The following DHX57 variants were observed in gnomAD, a reference collection of about 807,000 sequenced individuals.
The protein encoded by DHX57 is DExH-box helicase 57, also known as putative ATP-dependent RNA helicase DHX57.
A neutral mutation model predicts 156.2 loss-of-function variants in DHX57; 105 were observed. That is an observed-to-expected ratio of 0.67 (90% CI 0.57 to 0.79). DHX57 has a LOEUF of 0.79. Ranked by LOEUF, DHX57 falls within the 30% of genes least tolerant of loss-of-function variation. The pLI is 0.00. For synonymous variants in DHX57, 704 were observed against 595.6 expected (o/e 1.18, Z -2.65); for missense variants, 1,847 against 1,661.9 (o/e 1.11, Z -1.94).
intron 2 of DHX57, among the ~76,000 whole-genome samples, chr2:38,864,504 A>C (rs1664949221): frequency 6.6e-6 from 1 of 152,270 alleles, no homozygotes; most frequent in East Asian, 1.9e-4. Flanking sequence ...TCCTATCTTA[A>C]AGTCATCCTT....
At chr2:38,847,482 G>T (rs1672353791) in intron 10 of DHX57, among the ~76,000 whole-genome samples, 1 of 152,120 alleles carries the variant, frequency 6.6e-6, no homozygotes, top group Non-Finnish European at 1.5e-5. Context: ...TTATCAGTCA[G>T]TGTTTCCAAA....
chr2:38,802,589 C>A, intron 23 of DHX57, 126 bp downstream of exon 23: 1 of 1,219,114 alleles, frequency 8.2e-7, no homozygotes, highest in South Asian at 1.5e-5. Context: ...GGCTCGGCCA[C>A]CGTCATTCAT....
Position 38,812,826 on chromosome 2 carries a change from C to G in DHX57, c.3681+995G>C, listed in dbSNP as rs370359005. Among the ~76,000 whole-genome samples, 82 of 118,588 alleles carry G rather than the reference C, an allele frequency of 6.9e-4. 1 individual carries two copies. Among genetic ancestry groups the G allele is most frequent in the South Asian group, 3.2e-3 (11 of 3,464 alleles). The allele number at this position is 118,588 out of a possible 152,430, so 77.8% of individuals were successfully genotyped here. A position where few individuals can be genotyped will look rare whatever the true frequency, so the allele number is the denominator to read the frequency against. On this transcript the variant is annotated intron_variant, in intron 21 of 23. Transcript: ENST00000457308. ...TGGATTACAGGCGTGAGCCATCGTGCCTGTCCCTTATTTACTTGTTTGTTT... is the reference window on the plus strand; with the variant it reads ...TGGATTACAGGCGTGAGCCATCGTGGCTGTCCCTTATTTACTTGTTTGTTT...
At position 38,798,281 on chromosome 2, in the gene DHX57, ACT is replaced by A; in HGVS notation, c.*16_*17del. 1 of 1,600,366 alleles carries A rather than the reference ACT, an allele frequency of 6.2e-7. No individual in the cohort carries two copies. Among genetic ancestry groups the A allele is most frequent in the Non-Finnish European group, 8.5e-7 (1 of 1,175,116 alleles). ...AGCTAGAAGCAGGTGAGTAGCAAGCACTCTCTAAGACTGCTTTTTATTGTGTG... is the reference window on the plus strand; with the variant it reads ...AGCTAGAAGCAGGTGAGTAGCAAGCACTCTAAGACTGCTTTTTATTGTGTG... On this transcript the variant is annotated 3_prime_UTR_variant, in exon 24 of 24. Coordinates refer to ENST00000457308, the MANE Select transcript of DHX57 (RefSeq NM_198963.3).
chr2:38,849,725 C>G (rs1672483149), intron 9 of DHX57, among the ~76,000 whole-genome samples: 1 of 152,158 alleles, frequency 6.6e-6, no homozygotes, highest in African/African-American at 2.4e-5. Context: ...TCCTTGCCGT[C>G]TTTGAGGCAT....
chr2:38,810,642 C>A, intron 21 of DHX57: 1 of 662,640 alleles, frequency 1.5e-6, no homozygotes, highest in Non-Finnish European at 2.8e-6. Context: ...CTTTCCCTTC[C>A]ACTCGGTCCT....
intron 12 of DHX57, among the ~76,000 whole-genome samples, chr2:38,840,200 C>T (rs116489698): frequency 0.03 from 4,581 of 152,080 alleles, 104 homozygotes; most frequent in Non-Finnish European, 0.043. Context: ...TGGCCTCAGC[C>T]GCTCAAAGTG....
At chr2:38,852,877 TCTGGCTC>T (rs1672677854) in intron 9 of DHX57, among the ~76,000 whole-genome samples, 1 of 152,170 alleles carries the variant, frequency 6.6e-6, no homozygotes, top group African/African-American at 2.4e-5. Flanking sequence ...CCCTGGAAGG[TCTGGCTC>T]CTGCTGCTTC....
intron 23 of DHX57, among the ~76,000 whole-genome samples, chr2:38,800,981 GTTAAAA>G (rs1287445169): frequency 6.6e-6 from 1 of 152,056 alleles, no homozygotes; most frequent in East Asian, 1.9e-4. Flanking sequence ...TTGATTACAT[GTTAAAA>G]TTAAAACATT....
chr2:38,858,546 A>G (rs1572701338), intron 6 of DHX57, 115 bp downstream of exon 6: 1 of 1,377,252 alleles, frequency 7.3e-7, no homozygotes, highest in Non-Finnish European at 9.8e-7. Context: ...TTGACCACTC[A>G]GGGAGAAAAA....
At position 38,868,333 on chromosome 2, in the gene DHX57, C is replaced by T; in HGVS notation, c.73G>A (p.Gly25Arg). 1 of 1,613,930 alleles carries T rather than the reference C, an allele frequency of 6.2e-7. No individual in the cohort carries two copies. The highest frequency in any genetic ancestry group is 8.5e-7 in the Non-Finnish European group (1 of 1,180,038). ...GGKGSSRGGR[G>R]GRSHASKSHG... ...GATTTACTGGCGTGACTCCTGCCTC[C>T]TCTTCCTCCTCTAGAAGACCCTTTT... Residue 25 changes from glycine (G) to arginine (R), a missense_variant, in exon 2 of 24, where the codon GGA becomes AGA. Coordinates refer to ENST00000457308, the MANE Select transcript of DHX57 (RefSeq NM_198963.3).
chr2:38,811,397 A>C (rs1459344693), intron 21 of DHX57: 2 of 561,488 alleles, frequency 3.6e-6, no homozygotes, highest in Non-Finnish European at 7.0e-6. Flanking sequence ...AGGCCTGGGA[A>C]GAGAGGGGCC....
rs1292079593 is a variant in DHX57, at chr2:38,858,753, G to C, written c.1495C>G (p.Leu499Val). The change falls in exon 6 of 24, where the codon CTT becomes GTT. Residue 499 changes from leucine (L) to valine (V), a missense_variant. Transcript: ENST00000457308. Reference sequence around the variant, plus strand: ...TATCTTTTGGAAATCTTTTTCTTAAGGTTCACATAGCTTTCATTCTCTACT... The same window carrying C: ...TATCTTTTGGAAATCTTTTTCTTAACGTTCACATAGCTTTCATTCTCTACT... ...VIVENESYVN[L>V]KKKISKRYDW... 4 of 1,613,940 alleles carry C rather than the reference G, an allele frequency of 2.5e-6. 1 individual carries two copies. Among genetic ancestry groups the C allele is most frequent in the South Asian group, 2.2e-5 (2 of 91,064 alleles).
rs185415194 is a variant in DHX57, at chr2:38,827,417, C to T, written c.2640-728G>A. 1.8e-3 allele frequency among the ~76,000 whole-genome samples: 234 copies of T among 133,216 alleles called. 1 individual carries two copies. The Middle Eastern group carries it at 0.026, about 15-fold the overall frequency. 87.4% of individuals were successfully genotyped at this position (133,216 alleles called of 152,430 possible). On this transcript the variant is annotated intron_variant, in intron 14 of 23. Coordinates refer to ENST00000457308, the MANE Select transcript of DHX57 (RefSeq NM_198963.3). ...AGAAGAATCACTTGAACCTGGGAGG[C>T]GGAGGTTGCAGTGAGCCGAGATCAC... is the stretch of plus-strand genomic sequence containing the variant.
chr2:38,848,414 AAAAG>A lies in DHX57; in HGVS notation c.2031-16_2031-13del. The A allele has an allele frequency of 6.3e-7, 1 of 1,583,398 alleles. No homozygotes were observed. The highest frequency in any genetic ancestry group is 8.5e-7 in the Non-Finnish European group (1 of 1,170,678). ...GCAGCAAGAAGTCACTAGAGAAAAT[AAAAG>A]AAACACCTGAGGATCAAACAAATTC... On this transcript the variant is annotated splice_polypyrimidine_tract_variant and intron_variant, in intron 9 of 23. Coordinates refer to ENST00000457308, the MANE Select transcript of DHX57 (RefSeq NM_198963.3).
intron 22 of DHX57, among the ~76,000 whole-genome samples, chr2:38,803,661 T>C (rs1669805414): frequency 6.6e-6 from 1 of 151,422 alleles, no homozygotes; most frequent in South Asian, 2.1e-4. Flanking sequence ...CTGATTTTTG[T>C]ATTTTTAGTA....
intron 13 of DHX57, among the ~76,000 whole-genome samples, chr2:38,835,890 G>A (rs923772856): frequency 1.3e-5 from 2 of 152,178 alleles, no homozygotes; most frequent in African/African-American, 2.4e-5. Context: ...GTGGGGAGAT[G>A]GTGGCAGTGG....
At chr2:38,810,809 G>T (rs952008592) in intron 21 of DHX57, 61 of 747,116 alleles carry the variant, frequency 8.2e-5, no homozygotes, top group Non-Finnish European at 1.4e-4. Flanking sequence ...GGGTGGTAAA[G>T]GATGGTGCCT....
intron 15 of DHX57, 118 bp downstream of exon 15, chr2:38,826,398 A>C (rs1421791417): frequency 3.2e-6 from 4 of 1,240,266 alleles, no homozygotes; most frequent in Non-Finnish European, 4.5e-6. Flanking sequence ...TACAGTTTTC[A>C]CAAAGTATTT....
Sources: allele counts gnomAD v4.1 joint callset (sites outside exome capture counted in the v4.1 genomes callset), GRCh38; gene constraint gnomAD v4.1.1; transcripts MANE v1.5; gene names NCBI Gene and HGNC (gene_info 2026-07-23, HGNC 2026-07-21).